ATXN8OS: variants seen among roughly 807,000 people sequenced by gnomAD.
ATXN8OS encodes ATXN8 opposite strand (non-protein coding).
intron 4 of ATXN8OS, among the ~76,000 whole-genome samples, chr13:70,153,529 C>T (rs181824547): frequency 2.8e-4 from 42 of 152,050 alleles, no homozygotes; most frequent in East Asian, 1.9e-4. Context: ...GAGCCAACAT[C>T]GCACCATTGC....
intron 2 of ATXN8OS, among the ~76,000 whole-genome samples, chr13:70,125,737 T>A (rs879428239): frequency 2.6e-5 from 4 of 152,172 alleles, no homozygotes; most frequent in Non-Finnish European, 5.9e-5. Flanking sequence ...TCTGCTTGCA[T>A]CTCTATCAAT....
At chr13:70,147,560 T>C (rs981487585) in intron 4 of ATXN8OS, among the ~76,000 whole-genome samples, 4 of 152,300 alleles carry the variant, frequency 2.6e-5, no homozygotes, top group Admixed American at 6.5e-5. Context: ...AAAAGAAGTA[T>C]ATATGGTGCC....
At chr13:70,161,806 T>C (rs544073443) in intron 4 of ATXN8OS, among the ~76,000 whole-genome samples, 31 of 151,920 alleles carry the variant, frequency 2.0e-4, no homozygotes, top group African/African-American at 7.2e-4. Context: ...ATGCAAACAA[T>C]GAATCCTAAT....
At chr13:70,143,408 G>A (rs976591709) in intron 3 of ATXN8OS, among the ~76,000 whole-genome samples, 7 of 151,956 alleles carry the variant, frequency 4.6e-5, no homozygotes, top group African/African-American at 1.7e-4. Context: ...AAATGGTACT[G>A]GGTTTATTTA....
exon 1 of ATXN8OS, chr13:70,107,868 G>A (rs1888114275): frequency 3.5e-6 from 2 of 574,830 alleles, no homozygotes; most frequent in Non-Finnish European, 5.9e-6. Context: ...GGCGAAGGCT[G>A]GAGCGCAGAC....
chr13:70,150,261 T>G (rs189842865), intron 4 of ATXN8OS, among the ~76,000 whole-genome samples: 1 of 152,088 alleles, frequency 6.6e-6, no homozygotes, highest in Non-Finnish European at 1.5e-5. Flanking sequence ...ATGGGCCTAC[T>G]GAAGGAAGAT....
intron 1 of ATXN8OS, among the ~76,000 whole-genome samples, chr13:70,110,699 C>G (rs1888188118): frequency 6.6e-6 from 1 of 151,794 alleles, no homozygotes; most frequent in African/African-American, 2.4e-5. Flanking sequence ...TTGTAAAATA[C>G]TGCACTAATT....
At chr13:70,150,183 A>G (rs1888843292) in intron 4 of ATXN8OS, among the ~76,000 whole-genome samples, 2 of 152,086 alleles carry the variant, frequency 1.3e-5, no homozygotes, top group Non-Finnish European at 2.9e-5. Flanking sequence ...TTCATATTCA[A>G]TGAAGTTACT....
intron 4 of ATXN8OS, among the ~76,000 whole-genome samples, chr13:70,152,957 C>T (rs1013090349): frequency 2.0e-5 from 3 of 147,950 alleles, no homozygotes; most frequent in Non-Finnish European, 3.0e-5. Context: ...TATGAAGGAG[C>T]CTAATCAGAA....
intron 3 of ATXN8OS, among the ~76,000 whole-genome samples, chr13:70,135,114 C>G (rs1044967353): frequency 6.6e-6 from 1 of 152,188 alleles, no homozygotes; most frequent in African/African-American, 2.4e-5. Flanking sequence ...ACCCAATCCA[C>G]TTTTCCTCAA....
intron 4 of ATXN8OS, among the ~76,000 whole-genome samples, chr13:70,165,448 T>A: frequency 6.6e-6 from 1 of 152,000 alleles, no homozygotes; most frequent in South Asian, 2.1e-4. Flanking sequence ...AAAACATTTT[T>A]AAAAAACTTA....
chr13:70,144,817 T>C (rs1394103827), intron 3 of ATXN8OS, among the ~76,000 whole-genome samples: 2 of 152,168 alleles, frequency 1.3e-5, no homozygotes, highest in African/African-American at 4.8e-5. Flanking sequence ...AGGAGTTTAA[T>C]AGTTTTCCAC....
chr13:70,154,230 G>A (rs927780334), intron 4 of ATXN8OS, among the ~76,000 whole-genome samples: 1 of 152,150 alleles, frequency 6.6e-6, no homozygotes, highest in Admixed American at 6.6e-5. Flanking sequence ...TTTGTTCCCA[G>A]TCCATGTCAA....
At chr13:70,164,487 G>A (rs1889056037) in intron 4 of ATXN8OS, among the ~76,000 whole-genome samples, 1 of 151,856 alleles carries the variant, frequency 6.6e-6, no homozygotes, top group South Asian at 2.1e-4. Flanking sequence ...AAAAAATTAG[G>A]ATATTTCATC....
At chr13:70,112,613 C>T (rs905063953) in intron 1 of ATXN8OS, among the ~76,000 whole-genome samples, 4 of 151,996 alleles carry the variant, frequency 2.6e-5, no homozygotes, top group Admixed American at 6.6e-5. Flanking sequence ...CATTGATCCC[C>T]AGGGGCCATT....
At chr13:70,129,133 T>G (rs915331889) in intron 2 of ATXN8OS, among the ~76,000 whole-genome samples, 5 of 152,062 alleles carry the variant, frequency 3.3e-5, no homozygotes, top group African/African-American at 1.2e-4. Context: ...GTGCTGGGAG[T>G]ACAGGCGTGA....
In ATXN8OS at chr13:70,107,873, G is replaced by A. The variant is rs188602966; in HGVS notation, n.94G>A. 49 of 561,244 alleles carry A rather than the reference G, an allele frequency of 8.7e-5. No individual in the cohort carries two copies. In the East Asian group the frequency reaches 1.4e-3, roughly 16 times the overall value. The allele number at this position is 561,244 out of a possible 1,614,324, so 34.8% of individuals were successfully genotyped here. A position where few individuals can be genotyped will look rare whatever the true frequency, so the allele number is the denominator to read the frequency against. ...CGCTCTGCCAGGCGAAGGCTGGAGC[G>A]CAGACGGCAAAGCCGCGCGTTTCAG... On this transcript the variant is annotated non_coding_transcript_exon_variant, in exon 1 of 5. Transcript: ENST00000678624.
At chr13:70,162,924 A>T (rs1410201423) in intron 4 of ATXN8OS, among the ~76,000 whole-genome samples, 1 of 151,956 alleles carries the variant, frequency 6.6e-6, no homozygotes, top group Non-Finnish European at 1.5e-5. Flanking sequence ...CCAAACCTCT[A>T]TCTTGTAGGT....
intron 4 of ATXN8OS, among the ~76,000 whole-genome samples, chr13:70,158,927 C>G (rs1340490094): frequency 6.6e-6 from 1 of 151,906 alleles, no homozygotes; most frequent in African/African-American, 2.4e-5. Flanking sequence ...AGAGCCGAAG[C>G]CTTTAATTTA....
Sources: allele counts gnomAD v4.1 joint callset (sites outside exome capture counted in the v4.1 genomes callset), GRCh38; gene constraint gnomAD v4.1.1; transcripts MANE v1.5; gene names NCBI Gene and HGNC (gene_info 2026-07-23, HGNC 2026-07-21).